The following MTUS2 variants were observed in gnomAD, a reference collection of about 807,000 sequenced individuals.
MTUS2 encodes microtubule-associated tumor suppressor candidate 2.
In MTUS2, 40 loss-of-function variants were observed where a neutral mutation model predicts 114.1. The ratio of observed to expected loss-of-function variants is 0.35; its 90% CI spans 0.27 to 0.46. The LOEUF is 0.46. MTUS2 is among the 20% of genes least tolerant of loss of function. The pLI is 1.00. For missense variants in MTUS2, 1,679 were observed against 1,705.4 expected (o/e 0.98, Z 0.27); for synonymous variants, 688 against 672.0 (o/e 1.02, Z -0.37).
At chr13:29,281,363 C>T (rs145527999) in intron 5 of MTUS2, among the ~76,000 whole-genome samples, 2 of 151,870 alleles carry the variant, frequency 1.3e-5, no homozygotes, top group African/African-American at 4.8e-5. Context: ...TATACACATA[C>T]ATTTGCACAT....
intron 8 of MTUS2, among the ~76,000 whole-genome samples, chr13:29,376,573 A>T (rs1312711810): frequency 1.4e-5 from 2 of 142,872 alleles, no homozygotes; most frequent in Non-Finnish European, 2.9e-5. Context: ...AATTACATTA[A>T]ATGTAATGTA....
chr13:29,388,046 A>G (rs544243142), intron 8 of MTUS2, among the ~76,000 whole-genome samples: 3 of 152,220 alleles, frequency 2.0e-5, no homozygotes, highest in South Asian at 2.1e-4. Context: ...CCGCACACCT[A>G]TGGCTCTGAG....
chr13:29,268,866 G>A (rs1234942856), intron 5 of MTUS2, among the ~76,000 whole-genome samples: 1 of 151,954 alleles, frequency 6.6e-6, no homozygotes, highest in East Asian at 1.9e-4. Context: ...AGTAGCTGGG[G>A]CTACAGGTGC....
intron 4 of MTUS2, among the ~76,000 whole-genome samples, chr13:29,050,604 C>T (rs1887848625): frequency 6.6e-6 from 1 of 152,228 alleles, no homozygotes; most frequent in Non-Finnish European, 1.5e-5. Context: ...CCCCCCTCTT[C>T]ACACCCAGCT....
intron 4 of MTUS2, among the ~76,000 whole-genome samples, chr13:29,068,497 G>A (rs1187897871): frequency 6.6e-6 from 1 of 152,164 alleles, no homozygotes; most frequent in Admixed American, 6.5e-5. Context: ...AGCACCTACT[G>A]TGCATCAGAT....
At chr13:29,135,449 C>T (rs147511482) in intron 5 of MTUS2, among the ~76,000 whole-genome samples, 5 of 152,190 alleles carry the variant, frequency 3.3e-5, no homozygotes, top group African/African-American at 7.2e-5. Flanking sequence ...TTGTAGGCAG[C>T]GTATAGTTGG....
At chr13:29,466,377 T>TA (rs1879885542) in intron 9 of MTUS2, among the ~76,000 whole-genome samples, 1 of 152,176 alleles carries the variant, frequency 6.6e-6, no homozygotes, top group Non-Finnish European at 1.5e-5. Flanking sequence ...TGTCTATGCC[T>TA]AAAAGTTCCT....
chr13:29,213,209 C>G (rs527902529), intron 5 of MTUS2, among the ~76,000 whole-genome samples: 13 of 152,312 alleles, frequency 8.5e-5, no homozygotes, highest in African/African-American at 2.9e-4. Flanking sequence ...CTTATTATGT[C>G]ACAGATGACT....
At chr13:29,135,200 A>G (rs1173732315) in intron 5 of MTUS2, among the ~76,000 whole-genome samples, 2 of 152,210 alleles carry the variant, frequency 1.3e-5, no homozygotes, top group East Asian at 3.9e-4. Flanking sequence ...CATCTCAGTT[A>G]TCACGTTGCA....
intron 5 of MTUS2, among the ~76,000 whole-genome samples, chr13:29,176,214 C>G (rs149451939): frequency 1.1e-4 from 17 of 152,252 alleles, no homozygotes; most frequent in African/African-American, 3.9e-4. Flanking sequence ...CCTGACTGTA[C>G]TGCTCTTTTT....
intron 4 of MTUS2, among the ~76,000 whole-genome samples, chr13:29,091,690 C>G (rs1889959214): frequency 6.6e-6 from 1 of 152,202 alleles, no homozygotes; most frequent in South Asian, 2.1e-4. Context: ...CTTAGAAATA[C>G]AGATAGGTCC....
At position 29,253,489 on chromosome 13, in the gene MTUS2, C is replaced by G. The variant is rs1476154861; in HGVS notation, c.2645-28215C>G. 7.2e-5 allele frequency among the ~76,000 whole-genome samples: 11 copies of G among 151,848 alleles called. No homozygotes were observed. In the East Asian group the frequency reaches 2.1e-3, roughly 29 times the overall value. On this transcript the variant is annotated intron_variant, in intron 5 of 15. Transcript: ENST00000612955. ...CACATCCTCCTGTGGCTTTATATACCATTTCTATTACTGCCCATTCTCAAT... is the reference window on the plus strand; with the variant it reads ...CACATCCTCCTGTGGCTTTATATACGATTTCTATTACTGCCCATTCTCAAT...
At chr13:29,369,118 G>GA (rs35202699) in intron 8 of MTUS2, among the ~76,000 whole-genome samples, 30,697 of 151,736 alleles carry the variant, frequency 0.2, 3,230 homozygotes, top group Middle Eastern at 0.25. Context: ...CAGGCAGCGG[G>GA]AAAAAAAAGG....
chr13:28,911,841 T>A lies in MTUS2; in HGVS notation c.-243+71991T>A, dbSNP rs1273077863. Among the ~76,000 whole-genome samples, 111 of 148,724 alleles carry A rather than the reference T, an allele frequency of 7.5e-4. 1 individual carries two copies. The highest frequency in any genetic ancestry group is 2.8e-3 in the African/African-American group (111 of 39,270). On this transcript the variant is annotated intron_variant, in intron 2 of 15. Coordinates refer to ENST00000612955, the MANE Select transcript of MTUS2 (RefSeq NM_001033602.4). ...CTGTTCATATTCTTTGCCCACTTTT[T>A]AATGTTTTTTTTTTTTTTTTTTGTA... is the stretch of plus-strand genomic sequence containing the variant.
intron 9 of MTUS2, among the ~76,000 whole-genome samples, chr13:29,467,960 A>G (rs988077427): frequency 6.6e-6 from 1 of 152,076 alleles, no homozygotes; most frequent in Admixed American, 6.6e-5. Context: ...ACAAGAAAAT[A>G]CAAAAATTAG....
intron 2 of MTUS2, among the ~76,000 whole-genome samples, chr13:28,932,829 G>A (rs1352702864): frequency 2.6e-5 from 4 of 152,196 alleles, no homozygotes; most frequent in African/African-American, 7.2e-5. Flanking sequence ...TCCCACAGGG[G>A]GTTCTGTTCT....
chr13:29,223,590 C>T (rs1895991103), intron 5 of MTUS2, among the ~76,000 whole-genome samples: 1 of 152,226 alleles, frequency 6.6e-6, no homozygotes, highest in African/African-American at 2.4e-5. Context: ...AATAAAGCAC[C>T]TCTTTGTCTG....
rs183130668 is a variant in MTUS2, at chr13:29,471,756, A to T, written c.3185-8394A>T. ...CTGCAGGCCCAGCCCCCCCCGACAC[A>T]TTGATCTTAGGTCACTTAGTTCCTC... On this transcript the variant is annotated intron_variant, in intron 9 of 15. Coordinates refer to ENST00000612955, the MANE Select transcript of MTUS2 (RefSeq NM_001033602.4). Among the ~76,000 whole-genome samples, 512 of 122,144 alleles carry T rather than the reference A, an allele frequency of 4.2e-3. 4 individuals are homozygous for T. The highest frequency in any genetic ancestry group is 0.012 in the Middle Eastern group (3 of 244). The allele number at this position is 122,144 out of a possible 152,430, so 80.1% of individuals were successfully genotyped here. A position where few individuals can be genotyped will look rare whatever the true frequency, so the allele number is the denominator to read the frequency against.
chr13:29,480,293 G>A lies in MTUS2; in HGVS notation c.3328G>A (p.Ala1110Thr). ...LEERLQLQFEAEMARLQEEHG... is the reference protein window; with the variant it reads ...LEERLQLQFETEMARLQEEHG... ...GGAGCGGCTGCAGCTGCAATTCGAG[G>A]CGGAAATGGCGCGCCTGCAGGAGGA... The change falls in exon 10 of 16, where the codon GCG becomes ACG. Residue 1110 changes from alanine (A) to threonine (T), a missense_variant. Transcript: ENST00000612955. The surrounding 1 kb of genome is among the most constrained non-coding windows in gnomAD (Gnocchi z 4.4). The A allele has an allele frequency of 1.3e-6, 2 of 1,555,552 alleles. No homozygotes were observed. The highest frequency in any genetic ancestry group is 1.7e-6 in the Non-Finnish European group (2 of 1,149,736).
Sources: gnomAD v4.1 joint callset for allele counts (sites outside exome capture counted in the v4.1 genomes callset) on GRCh38, gnomAD v4.1.1 for gene constraint, Gnocchi (gnomAD v3.1) non-coding constraint, MANE v1.5 for transcripts, NCBI Gene and HGNC (gene_info 2026-07-23, HGNC 2026-07-21) for gene names.